The following RRP7A variants were observed in gnomAD, a reference collection of about 807,000 sequenced individuals.
RRP7A encodes the protein ribosomal RNA processing 7 homolog A, also known as ribosomal RNA-processing protein 7 homolog A.
RRP7A carries 27 observed loss-of-function variants against 38.4 expected under a neutral mutation model. The observed-to-expected ratio is 0.70, with a 90% confidence interval of 0.52 to 0.97. The LOEUF (loss-of-function observed/expected upper bound fraction) is 0.97. Among genes scored for constraint, RRP7A ranks in the 50% least tolerant of loss-of-function variants. The pLI, the probability that RRP7A is intolerant of heterozygous loss-of-function variation, is 0.00. For missense variants in RRP7A, 327 were observed against 375.4 expected (o/e 0.87, Z 1.07); for synonymous variants, 124 against 150.3 (o/e 0.83, Z 1.28).
rs1325743773 is a variant in RRP7A, at chr22:42,509,996, GCT to G, written c.*2912_*2913del. ...TTTTTTTTTTTTGAGATGGAGTCTG[GCT>G]CTGTCGCCCAGGCTGGAGTGTAGTG... On this transcript the variant is annotated 3_prime_UTR_variant, in exon 7 of 7. Coordinates refer to ENST00000323013, the MANE Select transcript of RRP7A (RefSeq NM_015703.5). The G allele has an allele frequency of 6.8e-6, 1 of 147,644 alleles. No homozygotes were observed. Among genetic ancestry groups the G allele is most frequent in the East Asian group, 2.0e-4 (1 of 5,046 alleles). 9.1% of individuals were successfully genotyped at this position (147,644 alleles called of 1,614,324 possible).
Position 42,510,988 on chromosome 22 carries a change from G to C in RRP7A, c.*1922C>G, listed in dbSNP as rs1390985160. 1 of 186,148 alleles carries C rather than the reference G, an allele frequency of 5.4e-6. No homozygotes were observed. Among genetic ancestry groups the C allele is most frequent in the South Asian group, 1.6e-4 (1 of 6,190 alleles). 11.5% of individuals were successfully genotyped at this position (186,148 alleles called of 1,614,324 possible). ...TACCCACCCCTCCTTCTTGGGGCCAGGCACAATTAGGTGACCCAACTGCCA... is the reference window on the plus strand; with the variant it reads ...TACCCACCCCTCCTTCTTGGGGCCACGCACAATTAGGTGACCCAACTGCCA... On this transcript the variant is annotated 3_prime_UTR_variant, in exon 7 of 7. Coordinates refer to ENST00000323013, the MANE Select transcript of RRP7A (RefSeq NM_015703.5).
In RRP7A at chr22:42,512,637, G is replaced by C; in HGVS notation, c.*273C>G. The C allele has an allele frequency of 3.4e-6, 2 of 580,392 alleles. No individual in the cohort carries two copies. Among genetic ancestry groups the C allele is most frequent in the East Asian group, 2.9e-5 (1 of 34,728 alleles). 36.0% of individuals were successfully genotyped at this position (580,392 alleles called of 1,614,324 possible). The stretch of plus-strand genomic sequence containing the variant: ...AGGAAGCACAGAACGGATTCATCCA[G>C]GGTCCTGGAGAGGAGGGTGTGGAGG... On this transcript the variant is annotated 3_prime_UTR_variant, in exon 7 of 7. Transcript: ENST00000323013.
Position 42,515,966 on chromosome 22 carries a change from C to T in RRP7A, c.342+45G>A, listed in dbSNP as rs749879273. The T allele has an allele frequency of 3.9e-6, 6 of 1,552,174 alleles. No individual in the cohort carries two copies. The Admixed American group carries it at 5.7e-5, about 15-fold the overall frequency. On this transcript the variant is annotated intron_variant, in intron 3 of 6. Coordinates refer to ENST00000323013, the MANE Select transcript of RRP7A (RefSeq NM_015703.5). Reference sequence around the variant, plus strand: ...CTCCCCCAACACACTGGGGACAGTGCCCCACCCCCCTCACTCTAGTGGAAC... The same window carrying T: ...CTCCCCCAACACACTGGGGACAGTGTCCCACCCCCCTCACTCTAGTGGAAC...
Position 42,509,676 on chromosome 22 carries a change from G to C in RRP7A, c.*3234C>G, listed in dbSNP as rs1392768217. Among the ~76,000 whole-genome samples the C allele has an allele frequency of 7.2e-5, 11 of 151,912 alleles. No homozygotes were observed. The highest frequency in any genetic ancestry group is 1.2e-4 in the Non-Finnish European group (8 of 68,006). On this transcript the variant is annotated 3_prime_UTR_variant, in exon 7 of 7. Coordinates refer to ENST00000323013, the MANE Select transcript of RRP7A (RefSeq NM_015703.5). ...ATAAAAAGAAACGAAGCACTGACAT[G>C]GGCTCCAGCATGGATGAGCCTTGAA... is the stretch of plus-strand genomic sequence containing the variant.
At chr22:42,517,172 G>C (rs143312485) in intron 2 of RRP7A, among the ~76,000 whole-genome samples, 3,252 of 151,662 alleles carry the variant, frequency 0.021, 3 homozygotes, top group African/African-American at 0.073. Flanking sequence ...CAGCTGCTTG[G>C]GAGGCTGCGG....
In RRP7A at chr22:42,514,358, C is replaced by G. The variant is rs147316795; in HGVS notation, c.559-54G>C. The G allele has an allele frequency of 1.4e-4, 194 of 1,363,566 alleles. 4 individuals carry two copies. The highest frequency in any genetic ancestry group is 9.7e-4 in the Middle Eastern group (4 of 4,136). 84.5% of individuals were successfully genotyped at this position (1,363,566 alleles called of 1,614,324 possible). ...TGGGACCTCCTGCAGCCTCCAGCAG[C>G]GCGCCCTCCACGCCCTCCTCCCAAA... On this transcript the variant is annotated intron_variant, in intron 5 of 6. Transcript: ENST00000323013.
rs1264724383 is a variant in RRP7A, at chr22:42,509,223, G to A, written c.*3687C>T. The A allele has an allele frequency of 1.4e-5, 22 of 1,542,940 alleles. No homozygotes were observed. The highest frequency in any genetic ancestry group is 1.2e-4 in the East Asian group (5 of 41,462). On this transcript the variant is annotated 3_prime_UTR_variant, in exon 7 of 7. Coordinates refer to ENST00000323013, the MANE Select transcript of RRP7A (RefSeq NM_015703.5). ...AAGTTCTCTGCGTGTCGACCACATC[G>A]CTAAGACTCAAGATCTTTTTTGGGA...
At position 42,508,747 on chromosome 22, in the gene RRP7A, C is replaced by T. The variant is rs184149916; in HGVS notation, c.*4163G>A. On this transcript the variant is annotated 3_prime_UTR_variant, in exon 7 of 7. Transcript: ENST00000323013. ...ACTCACTTCTCTGACTTTAATCACA[C>T]AGCCATACCTGGTGGCAAAGGAGTA... Among the ~76,000 whole-genome samples, 5 of 152,270 alleles carry T rather than the reference C, an allele frequency of 3.3e-5. No individual in the cohort carries two copies. Among genetic ancestry groups the T allele is most frequent in the African/African-American group, 7.2e-5 (3 of 41,472 alleles).
At chr22:42,514,003 G>A (rs1287024030) in intron 6 of RRP7A, 103 bp downstream of exon 6, 56 of 1,013,748 alleles carry the variant, frequency 5.5e-5, no homozygotes, top group Middle Eastern at 2.9e-4. Flanking sequence ...CTCCCTCCTC[G>A]ACCACCAAGT....
At chr22:42,519,051 C>T (rs548194298) in intron 1 of RRP7A, among the ~76,000 whole-genome samples, 64 of 148,430 alleles carry the variant, frequency 4.3e-4, no homozygotes, top group African/African-American at 1.6e-3. Context: ...CAAACCGGCA[C>T]AGCACGTGCA....
intron 3 of RRP7A, among the ~76,000 whole-genome samples, chr22:42,515,692 C>G (rs1218728811): frequency 6.6e-6 from 1 of 152,116 alleles, no homozygotes; most frequent in African/African-American, 2.4e-5. Context: ...TCCTGGAGAC[C>G]CGGCCCCCAA....
chr22:42,509,355 C>T lies in RRP7A; in HGVS notation c.*3555G>A, dbSNP rs1021570764. On this transcript the variant is annotated 3_prime_UTR_variant, in exon 7 of 7. Coordinates refer to ENST00000323013, the MANE Select transcript of RRP7A (RefSeq NM_015703.5). ...TCCCATGCCTTTCCACAGGTGTCAGCGGGGGGCATGCCCAGGTAAGGCTCC... is the reference window on the plus strand; with the variant it reads ...TCCCATGCCTTTCCACAGGTGTCAGTGGGGGGCATGCCCAGGTAAGGCTCC... 2.1e-5 allele frequency among the ~76,000 whole-genome samples: 3 copies of T among 145,664 alleles called. No individual in the cohort carries two copies. Among genetic ancestry groups the T allele is most frequent in the South Asian group, 2.1e-4 (1 of 4,722 alleles).
rs1340176114 is a variant in RRP7A, at chr22:42,510,851, G to A, written c.*2059C>T. 1 of 1,122,846 alleles carries A rather than the reference G, an allele frequency of 8.9e-7. No individual in the cohort carries two copies. The highest frequency in any genetic ancestry group is 4.2e-5 in the East Asian group (1 of 23,634). 69.6% of individuals were successfully genotyped at this position (1,122,846 alleles called of 1,614,324 possible). A position where few individuals can be genotyped will look rare whatever the true frequency, so the allele number is the denominator to read the frequency against. ...CCCAGGCCCAACAAGTGACCACCAG[G>A]ATCTATCAGGCCTCATGCTCCAGTG... On this transcript the variant is annotated 3_prime_UTR_variant, in exon 7 of 7. Coordinates refer to ENST00000323013, the MANE Select transcript of RRP7A (RefSeq NM_015703.5).
intron 6 of RRP7A, 28 bp from the exon 7 acceptor site, chr22:42,513,023 G>A: frequency 6.3e-7 from 1 of 1,593,820 alleles, no homozygotes; most frequent in South Asian, 1.1e-5. Flanking sequence ...CGCGGGGCAG[G>A]GTCAGACAGC....
At chr22:42,513,293 G>C (rs1920922688) in intron 6 of RRP7A, among the ~76,000 whole-genome samples, 1 of 129,932 alleles carries the variant, frequency 7.7e-6, no homozygotes. Context: ...CCCTGCACAG[G>C]GGGAAGGAAG....
intron 1 of RRP7A, chr22:42,518,566 A>G: frequency 6.6e-6 from 3 of 455,916 alleles, no homozygotes. Flanking sequence ...GGCCTCACAC[A>G]TGCTGGCCTC....
chr22:42,509,133 C>T lies in RRP7A; in HGVS notation c.*3777G>A, dbSNP rs1377236381. 6.2e-7 allele frequency: 1 copy of T among 1,613,936 alleles called. No individual in the cohort carries two copies. The highest frequency in any genetic ancestry group is 1.3e-5 in the African/African-American group (1 of 74,938). On this transcript the variant is annotated 3_prime_UTR_variant, in exon 7 of 7. Coordinates refer to ENST00000323013, the MANE Select transcript of RRP7A (RefSeq NM_015703.5). ...CAAGTGAGTCTGGACCCATCCCCTTCAGTCACCCCCCAAGGAGACATGGGC... is the reference window on the plus strand; with the variant it reads ...CAAGTGAGTCTGGACCCATCCCCTTTAGTCACCCCCCAAGGAGACATGGGC...
chr22:42,514,079 T>A (rs762615673), intron 6 of RRP7A, 27 bp downstream of exon 6: 2 of 1,599,872 alleles, frequency 1.3e-6, no homozygotes, highest in African/African-American at 2.7e-5. Context: ...GGCCGAGGGG[T>A]CTGAGGATGG....
In RRP7A at chr22:42,511,812, C is replaced by A. The variant is rs557093945; in HGVS notation, c.*1098G>T. 2.9e-6 allele frequency: 1 copy of A among 346,340 alleles called. No homozygotes were observed. Among genetic ancestry groups the A allele is most frequent in the South Asian group, 3.7e-5 (1 of 26,820 alleles). 21.5% of individuals were successfully genotyped at this position (346,340 alleles called of 1,614,324 possible). Reference sequence around the variant, plus strand: ...CACGTCATCTCATTATCTTTTCTCACGAGGACTACTTCGGATACAATCACA... The same window carrying A: ...CACGTCATCTCATTATCTTTTCTCAAGAGGACTACTTCGGATACAATCACA... On this transcript the variant is annotated 3_prime_UTR_variant, in exon 7 of 7. Coordinates refer to ENST00000323013, the MANE Select transcript of RRP7A (RefSeq NM_015703.5).
Sources: gnomAD v4.1 joint callset for allele counts (sites outside exome capture counted in the v4.1 genomes callset) on GRCh38, gnomAD v4.1.1 for gene constraint, MANE v1.5 for transcripts, NCBI Gene and HGNC (gene_info 2026-07-23, HGNC 2026-07-21) for gene names.